The following MACROH2A1 variants were observed in gnomAD, a reference collection of about 807,000 sequenced individuals.
MACROH2A1 encodes the protein core histone macro-H2A.1.
MACROH2A1 carries 2 observed loss-of-function variants against 31.6 expected under a neutral mutation model. The observed-to-expected ratio is 0.06, with a 90% confidence interval of 0.03 to 0.20. The LOEUF (loss-of-function observed/expected upper bound fraction) is 0.20, where lower values mean the gene tolerates loss of function less well. Ranked by LOEUF, MACROH2A1 falls within the 10% of genes least tolerant of loss-of-function variation. The probability of loss-of-function intolerance (pLI) is 1.00; values close to 1 mark genes in which losing one functional copy is unlikely to be tolerated. For missense variants in MACROH2A1, 230 were observed against 474.0 expected, an observed-to-expected ratio of 0.49 and a Z score of 4.78; for synonymous variants, 169 against 189.6, an observed-to-expected ratio of 0.89 and a Z score of 0.89.
chr5:135,345,706 A>G (rs961457904), intron 7 of MACROH2A1: 1 of 419,230 alleles, frequency 2.4e-6, no homozygotes, highest in Admixed American at 3.7e-5. Flanking sequence ...CTCAGCTCCT[A>G]TAATTTCTTA....
At chr5:135,362,981 T>C (rs1763028067) in intron 4 of MACROH2A1, 1 of 152,188 alleles carries the variant, frequency 6.6e-6, no homozygotes, top group African/African-American at 2.4e-5. Flanking sequence ...ACTCTGAAGT[T>C]TGAACTCTGA....
intron 5 of MACROH2A1, chr5:135,359,687 G>A (rs1762596783): frequency 2.0e-6 from 2 of 984,212 alleles, no homozygotes; most frequent in Non-Finnish European, 2.4e-6. Flanking sequence ...TCAGATCCAA[G>A]TTTGTTACCA....
Position 135,334,990 on chromosome 5 carries a change from G to A in MACROH2A1, c.1105C>T (p.Leu369=). The A allele has an allele frequency of 1.2e-6, 2 of 1,613,732 alleles. No homozygotes were observed. The highest frequency in any genetic ancestry group is 1.7e-6 in the Non-Finnish European group (2 of 1,179,720). The change falls in exon 9 of 9, where the codon CTG becomes TTG. Residue 369 remains leucine, a synonymous_variant. Transcript: ENST00000511689. ...CATTGCTCAGCCTAGTTGGCGTCCA[G>A]CTTGGCCATTTCCTGCACATAGATG... ...IGIYVQEMAK[L]DAN
chr5:135,369,466 T>C lies in MACROH2A1; in HGVS notation c.417A>G (p.Pro139=). 2 of 1,614,240 alleles carry C rather than the reference T, an allele frequency of 1.2e-6. No homozygotes were observed. Among genetic ancestry groups the C allele is most frequent in the Non-Finnish European group, 1.7e-6 (2 of 1,180,042 alleles). ...TPPPAKKAKS[P]SQKKPVSKKA... is the part of the protein sequence containing the mutation. ...TTTTAGATACAGGCTTCTTCTGGGA[T>C]GGAGACTTGGCCTTTTTGGCTGGGG... The change falls in exon 4 of 9, where the codon CCA becomes CCG. Residue 139 remains proline, a synonymous_variant. Transcript: ENST00000511689. This position sits in a 1 kb window ranked among gnomAD's most constrained non-coding sequence, Gnocchi z 4.3.
chr5:135,391,964 T>C (rs954025918), intron 1 of MACROH2A1, among the ~76,000 whole-genome samples: 5 of 152,216 alleles, frequency 3.3e-5, no homozygotes, highest in African/African-American at 7.2e-5. Flanking sequence ...ACAAACAGCA[T>C]ACTTCAGCTA....
At position 135,360,348 on chromosome 5, in the gene MACROH2A1, T is replaced by C; in HGVS notation, c.588+149A>G. 4.8e-6 allele frequency: 3 copies of C among 623,386 alleles called. No homozygotes were observed. In the South Asian group the frequency reaches 5.7e-5, roughly 12 times the overall value. The allele number at this position is 623,386 out of a possible 1,614,324, so 38.6% of individuals were successfully genotyped here. On this transcript the variant is annotated intron_variant, in intron 5 of 8. Transcript: ENST00000511689. ...GGCCTCCCCAGCATCTAGCCCTCCC[T>C]GAGGCCACTCCCAAAGCTCACAGCC...
chr5:135,390,237 G>A (rs1458725936), intron 1 of MACROH2A1, among the ~76,000 whole-genome samples: 1 of 152,168 alleles, frequency 6.6e-6, no homozygotes, highest in Non-Finnish European at 1.5e-5. Flanking sequence ...TTGAGATCTG[G>A]CTGTTTCATC....
At chr5:135,338,943 C>G (rs1209635377) in intron 8 of MACROH2A1, among the ~76,000 whole-genome samples, 1 of 152,180 alleles carries the variant, frequency 6.6e-6, no homozygotes, top group African/African-American at 2.4e-5. Context: ...GGGGTCTGTG[C>G]AGTGATGACA....
At chr5:135,360,651 G>T in intron 4 of MACROH2A1, 44 bp from the exon 5 acceptor site, 1 of 1,365,808 alleles carries the variant, frequency 7.3e-7, no homozygotes, top group Non-Finnish European at 1.0e-6. Context: ...CACAGACACA[G>T]GCATCCTAAT....
upstream of MACROH2A1, chr5:135,399,818 G>A (rs2252861): frequency 0.056 from 8,576 of 152,356 alleles, 320 homozygotes; most frequent in African/African-American, 0.1. The surrounding 1 kb of genome is among the most constrained non-coding windows in gnomAD (Gnocchi z 4.5). Context: ...GCACATGGAA[G>A]CGGTTAGCTA....
intron 4 of MACROH2A1, among the ~76,000 whole-genome samples, chr5:135,366,115 G>A (rs539239096): frequency 6.6e-6 from 1 of 152,334 alleles, no homozygotes; most frequent in East Asian, 1.9e-4. Flanking sequence ...CCTGTGAAGA[G>A]GTGCCTTTTG....
chr5:135,389,222 C>T, intron 1 of MACROH2A1, 96 bp from the exon 2 acceptor site: 4 of 802,492 alleles, frequency 5.0e-6, no homozygotes, highest in Non-Finnish European at 7.5e-6. Context: ...CCCAGGCCTG[C>T]CTGCAGATGC....
intron 7 of MACROH2A1, chr5:135,344,448 G>A (rs1371226882): frequency 6.6e-6 from 1 of 152,136 alleles, no homozygotes; most frequent in Non-Finnish European, 1.5e-5. Flanking sequence ...TGGAGAAGGA[G>A]CGATTTGTGG....
rs1432533397 is a variant in MACROH2A1, at chr5:135,387,504, CCT to C, written c.172+1416_172+1417del. On this transcript the variant is annotated intron_variant, in intron 2 of 8. Transcript: ENST00000511689. ...GGTTGTATCGCTTTGGGAGAGGTACCCTGTCTTACTGAGTCGTCCTTTCTGGC... is the reference window on the plus strand; with the variant it reads ...GGTTGTATCGCTTTGGGAGAGGTACCGTCTTACTGAGTCGTCCTTTCTGGC... Among the ~76,000 whole-genome samples, 3 of 152,196 alleles carry C rather than the reference CCT, an allele frequency of 2.0e-5. No individual in the cohort carries two copies. The East Asian group carries it at 5.8e-4, about 29-fold the overall frequency.
chr5:135,358,025 T>C (rs764501051), intron 5 of MACROH2A1: 43 of 982,866 alleles, frequency 4.4e-5, no homozygotes, highest in Non-Finnish European at 5.2e-5. Context: ...GGGTACCATA[T>C]AGTCACCATT....
chr5:135,358,257 C>A, intron 5 of MACROH2A1: 1 of 985,330 alleles, frequency 1.0e-6, no homozygotes, highest in Non-Finnish European at 1.2e-6. Flanking sequence ...CCGTCTCATG[C>A]TGCAGGGGTG....
chr5:135,369,306 T>C lies in MACROH2A1; in HGVS notation c.477+100A>G, dbSNP rs1763896965. ...TGTTCCTCCTTTATTCTCCCATCAG[T>C]GGGATGAGCCCACAGGGGGAATGAG... On this transcript the variant is annotated intron_variant, in intron 4 of 8. Transcript: ENST00000511689. The surrounding 1 kb of genome is among the most constrained non-coding windows in gnomAD (Gnocchi z 4.3). 2 of 931,244 alleles carry C rather than the reference T, an allele frequency of 2.1e-6. No individual in the cohort carries two copies. The highest frequency in any genetic ancestry group is 2.2e-4 in the Middle Eastern group (1 of 4,626). 57.7% of individuals were successfully genotyped at this position (931,244 alleles called of 1,614,324 possible).
In MACROH2A1 at chr5:135,374,678, T is replaced by A. The variant is rs2149872901; in HGVS notation, c.173-4536A>T. On this transcript the variant is annotated intron_variant, in intron 2 of 8. Coordinates refer to ENST00000511689, the MANE Select transcript of MACROH2A1 (RefSeq NM_138610.3). ...GAAGGTTTTGTGAGTCTCTGTTTTG[T>A]CTGTGGCTGGTCTAAAAGAAAAGCG... is the stretch of plus-strand genomic sequence containing the variant. Among the ~76,000 whole-genome samples, 3 of 152,352 alleles carry A rather than the reference T, an allele frequency of 2.0e-5. No homozygotes were observed. In the South Asian group the frequency reaches 6.2e-4, roughly 32 times the overall value.
chr5:135,341,902 T>C (rs1157968376), intron 8 of MACROH2A1, among the ~76,000 whole-genome samples: 1 of 152,172 alleles, frequency 6.6e-6, no homozygotes, highest in African/African-American at 2.4e-5. Context: ...CCTGCCTTCC[T>C]TGGGTGCTGG....
Sources: gnomAD v4.1 joint callset for allele counts (sites outside exome capture counted in the v4.1 genomes callset) on GRCh38, gnomAD v4.1.1 for gene constraint, Gnocchi (gnomAD v3.1) non-coding constraint, MANE v1.5 for transcripts, NCBI Gene and HGNC (gene_info 2026-07-23, HGNC 2026-07-21) for gene names.